The following GPHN variants were observed in gnomAD, a reference collection of about 807,000 sequenced individuals.
GPHN encodes the protein gephyrin.
Under a neutral mutation model 95.5 loss-of-function variants are expected in GPHN, and 17 were observed. The ratio of observed to expected loss-of-function variants is 0.18; its 90% confidence interval spans 0.12 to 0.27. The LOEUF is 0.27. GPHN is among the 10% of genes least tolerant of loss of function. The pLI, the probability that GPHN is intolerant of heterozygous loss-of-function variation, is 1.00. For missense variants in GPHN, 660 were observed against 978.1 expected, an observed-to-expected ratio of 0.67 and a Z score of 4.34; for synonymous variants, 320 against 322.5, an observed-to-expected ratio of 0.99 and a Z score of 0.08.
intron 1 of GPHN, among the ~76,000 whole-genome samples, chr14:66,592,325 C>G (rs1309301013): frequency 6.6e-6 from 1 of 152,022 alleles, no homozygotes; most frequent in Non-Finnish European, 1.5e-5. Flanking sequence ...AAGTAAAGAG[C>G]TTCTGCACAG....
the GPHN span, among the ~76,000 whole-genome samples, chr14:67,657,658 A>G: frequency 1.3e-5 from 2 of 152,022 alleles, no homozygotes; most frequent in South Asian, 4.2e-4. Flanking sequence ...ACAGAGGCCT[A>G]GTACAGAGCA....
intron 10 of GPHN, among the ~76,000 whole-genome samples, chr14:67,032,138 T>G (rs2074222924): frequency 6.6e-6 from 1 of 152,206 alleles, no homozygotes; most frequent in African/African-American, 2.4e-5. Context: ...CAGCATAGCT[T>G]AGCATGATAA....
chr14:67,631,100 G>C, the GPHN span, among the ~76,000 whole-genome samples: 5 of 151,952 alleles, frequency 3.3e-5, no homozygotes, highest in Non-Finnish European at 5.9e-5. Flanking sequence ...CTGTCCTTTC[G>C]GTAATTAATT....
the GPHN span, among the ~76,000 whole-genome samples, chr14:67,453,856 T>C: frequency 0.31 from 47,840 of 152,110 alleles, 8,398 homozygotes; most frequent in African/African-American, 0.48. Context: ...CTGTAGATCC[T>C]GGCTCTGCCA....
At chr14:67,326,726 G>A in the GPHN span, among the ~76,000 whole-genome samples, 5 of 152,220 alleles carry the variant, frequency 3.3e-5, no homozygotes, top group Admixed American at 1.3e-4. Flanking sequence ...GAAGCATGCC[G>A]TTTGTTAAAG....
intron 12 of GPHN, among the ~76,000 whole-genome samples, chr14:67,098,833 A>G (rs1038506034): frequency 6.6e-6 from 1 of 151,950 alleles, no homozygotes; most frequent in African/African-American, 2.4e-5. Flanking sequence ...AAAAAAAAAA[A>G]AAAGAAAAAG....
At chr14:67,235,483 A>C in the GPHN span, among the ~76,000 whole-genome samples, 1 of 152,148 alleles carries the variant, frequency 6.6e-6, no homozygotes, top group Non-Finnish European at 1.5e-5. Context: ...TGGGAGGCCG[A>C]GGCGGGCGGA....
the GPHN span, among the ~76,000 whole-genome samples, chr14:67,634,422 A>C: frequency 4.1e-5 from 6 of 145,850 alleles, no homozygotes; most frequent in Non-Finnish European, 9.0e-5. Flanking sequence ...GCAAAACTCT[A>C]TCTCTACCAA....
At chr14:66,557,891 TATG>T (rs1340892003) in intron 1 of GPHN, among the ~76,000 whole-genome samples, 2 of 152,198 alleles carry the variant, frequency 1.3e-5, no homozygotes, top group Non-Finnish European at 2.9e-5. Context: ...AATTCTAAAT[TATG>T]ATAACCTTCT....
the GPHN span, among the ~76,000 whole-genome samples, chr14:67,274,961 C>T: frequency 3.9e-5 from 6 of 152,118 alleles, no homozygotes; most frequent in Non-Finnish European, 7.4e-5. Context: ...GTGATTTTTG[C>T]ACATTGATTT....
intron 13 of GPHN, among the ~76,000 whole-genome samples, chr14:67,109,078 A>G (rs1049882087): frequency 1.1e-4 from 16 of 152,186 alleles, no homozygotes; most frequent in African/African-American, 3.9e-4. Flanking sequence ...CCTGCACAGC[A>G]TATTACAGTA....
intron 11 of GPHN, among the ~76,000 whole-genome samples, chr14:67,074,569 A>G (rs2076425179): frequency 6.6e-6 from 1 of 152,140 alleles, no homozygotes; most frequent in Admixed American, 6.6e-5. Flanking sequence ...GCCTCTAAGT[A>G]TTCAAGTGAA....
At chr14:67,257,122 C>T in the GPHN span, among the ~76,000 whole-genome samples, 3 of 152,036 alleles carry the variant, frequency 2.0e-5, no homozygotes, top group Admixed American at 6.6e-5. Flanking sequence ...TAAGAGTTAG[C>T]GGGGATCATA....
At chr14:66,516,529 G>A (rs915328933) in intron 1 of GPHN, among the ~76,000 whole-genome samples, 2 of 152,046 alleles carry the variant, frequency 1.3e-5, no homozygotes, top group Non-Finnish European at 2.9e-5. Context: ...GGGTCTAAAG[G>A]CACATATTTT....
intron 18 of GPHN, among the ~76,000 whole-genome samples, chr14:67,156,865 G>A (rs1229987333): frequency 6.6e-6 from 1 of 151,850 alleles, no homozygotes; most frequent in African/African-American, 2.4e-5. Context: ...AGCTACTCAG[G>A]AGGCTGAGAC....
At chr14:66,554,526 A>G (rs1316381669) in intron 1 of GPHN, among the ~76,000 whole-genome samples, 1 of 152,154 alleles carries the variant, frequency 6.6e-6, no homozygotes, top group Non-Finnish European at 1.5e-5. Flanking sequence ...AGAGAGTGGA[A>G]TGAGAGCACA....
At chr14:67,598,060 T>C in the GPHN span, among the ~76,000 whole-genome samples, 1 of 152,200 alleles carries the variant, frequency 6.6e-6, no homozygotes, top group Non-Finnish European at 1.5e-5. Flanking sequence ...TCAACTTCAT[T>C]TTTCTGTGTA....
intron 1 of GPHN, among the ~76,000 whole-genome samples, chr14:66,530,104 C>T (rs938187603): frequency 6.6e-6 from 1 of 152,168 alleles, no homozygotes; most frequent in Non-Finnish European, 1.5e-5. Flanking sequence ...ATCTATAAGC[C>T]CCTGACTGGG....
chr14:67,516,767 C>A, the GPHN span, among the ~76,000 whole-genome samples: 1 of 152,180 alleles, frequency 6.6e-6, no homozygotes, highest in Admixed American at 6.5e-5. Flanking sequence ...CCATGTATAT[C>A]GTGTTCCTGG....
Sources: gnomAD v4.1 joint callset for allele counts (sites outside exome capture counted in the v4.1 genomes callset) on GRCh38, gnomAD v4.1.1 for gene constraint, MANE v1.5 for transcripts, NCBI Gene and HGNC (gene_info 2026-07-23, HGNC 2026-07-21) for gene names.